The following CTNNA3 variants were observed in gnomAD, a reference collection of about 807,000 sequenced individuals.
CTNNA3 encodes the protein catenin alpha-3.
A neutral mutation model predicts 95.7 loss-of-function variants in CTNNA3; 76 were observed. The observed-to-expected ratio is 0.79, with a 90% CI of 0.66 to 0.96. CTNNA3 has a LOEUF of 0.96. Among genes scored for constraint, CTNNA3 ranks in the 40% least tolerant of loss-of-function variants. CTNNA3 has a pLI of 0.00. For synonymous variants in CTNNA3, 431 were observed against 374.4 expected, an observed-to-expected ratio of 1.15 and a Z score of -1.74; for missense variants, 1,191 against 1,089.8, an observed-to-expected ratio of 1.09 and a Z score of -1.31.
chr10:67,502,092 C>T (rs1194993762), intron 5 of CTNNA3, among the ~76,000 whole-genome samples: 1 of 152,164 alleles, frequency 6.6e-6, no homozygotes, highest in African/African-American at 2.4e-5. Flanking sequence ...TTTTCCTCAT[C>T]TTCATGGATT....
chr10:67,699,377 T>C (rs1260611989), upstream of CTNNA3, among the ~76,000 whole-genome samples: 2 of 152,168 alleles, frequency 1.3e-5, no homozygotes. Context: ...AAAAGGGTCA[T>C]TTTTAAGTCT....
intron 12 of CTNNA3, among the ~76,000 whole-genome samples, chr10:66,331,744 T>C (rs1226484705): frequency 2.6e-5 from 4 of 151,944 alleles, no homozygotes; most frequent in African/African-American, 4.8e-5. Flanking sequence ...GTGATGCCTC[T>C]GGCTTTGTTC....
At chr10:67,270,107 T>A (rs1402082677) in intron 5 of CTNNA3, among the ~76,000 whole-genome samples, 1 of 145,928 alleles carries the variant, frequency 6.9e-6, no homozygotes, top group Non-Finnish European at 1.5e-5. Context: ...AACAGCTGGA[T>A]AATTTACACC....
intron 11 of CTNNA3, among the ~76,000 whole-genome samples, chr10:66,430,281 A>G (rs562822186): frequency 1.3e-5 from 2 of 152,268 alleles, no homozygotes; most frequent in Admixed American, 1.3e-4. Context: ...AGAACATTCC[A>G]TGCTCATGGA....
At chr10:66,831,115 A>AC (rs1162109172) in intron 7 of CTNNA3, among the ~76,000 whole-genome samples, 4 of 152,092 alleles carry the variant, frequency 2.6e-5, no homozygotes, top group Non-Finnish European at 5.9e-5. Flanking sequence ...ATCCTCTTTC[A>AC]CCTGGACTAC....
intron 17 of CTNNA3, among the ~76,000 whole-genome samples, chr10:65,933,084 G>C (rs913653863): frequency 6.6e-6 from 1 of 151,972 alleles, no homozygotes; most frequent in African/African-American, 2.4e-5. Flanking sequence ...CCTGGGTTTT[G>C]TCTTCTCTTT....
intron 1 of CTNNA3, among the ~76,000 whole-genome samples, chr10:67,745,125 G>C (rs996542225): frequency 1.6e-4 from 25 of 152,200 alleles, no homozygotes; most frequent in Middle Eastern, 6.8e-3. Flanking sequence ...TCTAGAACTA[G>C]AAATACCATT....
At chr10:67,740,991 G>A (rs1841334089) in intron 1 of CTNNA3, among the ~76,000 whole-genome samples, 1 of 151,280 alleles carries the variant, frequency 6.6e-6, no homozygotes, top group African/African-American at 2.4e-5. Flanking sequence ...AAAAAATGAT[G>A]AGTTCATGTC....
intron 9 of CTNNA3, among the ~76,000 whole-genome samples, chr10:66,667,915 G>A (rs568713366): frequency 6.6e-6 from 1 of 152,168 alleles, no homozygotes; most frequent in African/African-American, 2.4e-5. Flanking sequence ...CAGGGTTGAA[G>A]CATATACTCT....
In CTNNA3 at chr10:67,189,829, C is replaced by T. The variant is rs180879475; in HGVS notation, c.844-9309G>A. The stretch of plus-strand genomic sequence containing the variant: ...AGGGATCTGTGAAACCAGGAGAATA[C>T]ATATTTCATTCATCTATAGGAGTTT... On this transcript the variant is annotated intron_variant, in intron 6 of 17. Transcript: ENST00000433211. Among the ~76,000 whole-genome samples the T allele has an allele frequency of 1.2e-3, 185 of 152,138 alleles. 2 individuals carry two copies. The highest frequency in any genetic ancestry group is 4.3e-3 in the African/African-American group (179 of 41,530).
chr10:66,446,088 T>C (rs1036256681), intron 11 of CTNNA3, among the ~76,000 whole-genome samples: 1 of 152,132 alleles, frequency 6.6e-6, no homozygotes, highest in Non-Finnish European at 1.5e-5. Context: ...AATGGATAAA[T>C]TCCTTGACAC....
At chr10:65,946,918 C>T (rs1340099128) in intron 17 of CTNNA3, among the ~76,000 whole-genome samples, 3 of 152,044 alleles carry the variant, frequency 2.0e-5, no homozygotes, top group African/African-American at 7.2e-5. Context: ...GACATGTAAC[C>T]TTATATAAAC....
chr10:66,759,216 G>C (rs888832454), intron 9 of CTNNA3, among the ~76,000 whole-genome samples: 9 of 152,120 alleles, frequency 5.9e-5, no homozygotes, highest in Non-Finnish European at 4.4e-5. Flanking sequence ...AGAAGAAAGG[G>C]AAGACAAATG....
chr10:67,144,371 G>GT (rs1860744069), intron 7 of CTNNA3, among the ~76,000 whole-genome samples: 2 of 152,200 alleles, frequency 1.3e-5, no homozygotes, highest in South Asian at 4.1e-4. Context: ...TAACAAAAGA[G>GT]TTAGCCTGTC....
At chr10:66,753,864 T>C (rs1258580119) in intron 9 of CTNNA3, among the ~76,000 whole-genome samples, 1 of 151,788 alleles carries the variant, frequency 6.6e-6, no homozygotes. Flanking sequence ...CTACAAAACA[T>C]TGTTGAAAAA....
chr10:67,201,439 C>A (rs1047460531), intron 6 of CTNNA3, among the ~76,000 whole-genome samples: 6 of 151,946 alleles, frequency 3.9e-5, no homozygotes, highest in Admixed American at 6.6e-5. Flanking sequence ...TTGGCAGGCA[C>A]CTTATGTCTA....
intron 13 of CTNNA3, among the ~76,000 whole-genome samples, chr10:66,214,053 G>A (rs1000837659): frequency 6.6e-6 from 1 of 152,172 alleles, no homozygotes; most frequent in South Asian, 2.1e-4. Flanking sequence ...TGTAGGCATT[G>A]TGTTCAGCAG....
At chr10:66,110,135 T>C (rs2082064819) in intron 13 of CTNNA3, among the ~76,000 whole-genome samples, 1 of 151,112 alleles carries the variant, frequency 6.6e-6, no homozygotes, top group Non-Finnish European at 1.5e-5. Flanking sequence ...CAAAGGAGGG[T>C]GGATCACCTG....
intron 15 of CTNNA3, among the ~76,000 whole-genome samples, chr10:66,001,509 G>C (rs1389739728): frequency 6.6e-6 from 1 of 152,064 alleles, no homozygotes; most frequent in Non-Finnish European, 1.5e-5. Flanking sequence ...TGCATCCCAG[G>C]ACTGCCACTG....
Sources: gnomAD v4.1 joint callset for allele counts (sites outside exome capture counted in the v4.1 genomes callset) on GRCh38, gnomAD v4.1.1 for gene constraint, MANE v1.5 for transcripts, NCBI Gene and HGNC (gene_info 2026-07-23, HGNC 2026-07-21) for gene names.